The following ADORA2B variants were observed in gnomAD, a reference collection of about 807,000 sequenced individuals.
ADORA2B encodes adenosine A2b receptor, also known as adenosine receptor A2b.
Under a neutral mutation model 20.8 loss-of-function variants are expected in ADORA2B, and 18 were observed. That is an observed-to-expected ratio of 0.87 (90% CI 0.60 to 1.29). The LOEUF (loss-of-function observed/expected upper bound fraction) is 1.29. ADORA2B is among the 50% of genes most tolerant of loss of function. The pLI is 0.00. For missense variants in ADORA2B, 441 were observed against 422.7 expected, an observed-to-expected ratio of 1.04 and a Z score of -0.38; for synonymous variants, 179 against 178.3, an observed-to-expected ratio of 1.00 and a Z score of -0.03.
At chr17:15,961,415 G>T (rs1173964665) in intron 1 of ADORA2B, among the ~76,000 whole-genome samples, 1 of 152,154 alleles carries the variant, frequency 6.6e-6, no homozygotes, top group Non-Finnish European at 1.5e-5. Flanking sequence ...GAGTGGTGCT[G>T]CATCCTCAGT....
the ADORA2B span, among the ~76,000 whole-genome samples, chr17:15,922,915 C>T: frequency 1.1e-4 from 17 of 152,182 alleles, no homozygotes; most frequent in African/African-American, 3.9e-4. Flanking sequence ...TTTTCATTTG[C>T]ATTTTGTTAT....
chr17:15,945,167 C>T lies in ADORA2B; in HGVS notation c.-82C>T. ...CGGAGGCGCGGTCCGGGCGCTATGGCCATGCCCGGCGGGTCTCACGCGGCT... is the reference window on the plus strand; with the variant it reads ...CGGAGGCGCGGTCCGGGCGCTATGGTCATGCCCGGCGGGTCTCACGCGGCT... On this transcript the variant is annotated 5_prime_UTR_variant, in exon 1 of 2. Coordinates refer to ENST00000304222, the MANE Select transcript of ADORA2B (RefSeq NM_000676.4). The T allele has an allele frequency of 8.1e-7, 1 of 1,231,356 alleles. No homozygotes were observed. The highest frequency in any genetic ancestry group is 1.1e-6 in the Non-Finnish European group (1 of 952,274). The allele number at this position is 1,231,356 out of a possible 1,614,324, so 76.3% of individuals were successfully genotyped here.
At chr17:15,876,306 A>C in the ADORA2B span, among the ~76,000 whole-genome samples, 1 of 152,016 alleles carries the variant, frequency 6.6e-6, no homozygotes, top group African/African-American at 2.4e-5. Context: ...GAAGAAAATA[A>C]TTCCAGTCCT....
At chr17:15,928,412 A>T in the ADORA2B span, among the ~76,000 whole-genome samples, 1 of 151,634 alleles carries the variant, frequency 6.6e-6, no homozygotes, top group Non-Finnish European at 1.5e-5. Flanking sequence ...TGCGGATGCC[A>T]GGGAGACGGG....
the ADORA2B span, among the ~76,000 whole-genome samples, chr17:15,893,873 G>A: frequency 6.6e-6 from 1 of 152,172 alleles, no homozygotes; most frequent in African/African-American, 2.4e-5. Context: ...TAAGGGCCAC[G>A]TAATAGGATC....
At chr17:15,955,651 A>G (rs1442868221) in intron 1 of ADORA2B, among the ~76,000 whole-genome samples, 2 of 146,216 alleles carry the variant, frequency 1.4e-5, no homozygotes, top group Admixed American at 6.8e-5. Context: ...CAAGTGATCC[A>G]CTCACCTTGG....
chr17:15,952,812 T>G (rs549015310), intron 1 of ADORA2B, among the ~76,000 whole-genome samples: 1 of 152,324 alleles, frequency 6.6e-6, no homozygotes, highest in East Asian at 1.9e-4. Flanking sequence ...CCTTTCCTTT[T>G]GCCTCAGATT....
chr17:15,884,405 T>C, the ADORA2B span, among the ~76,000 whole-genome samples: 1 of 150,374 alleles, frequency 6.7e-6, no homozygotes, highest in Non-Finnish European at 1.5e-5. Context: ...AATTTTTTTT[T>C]CTTCAACTTT....
chr17:15,926,116 C>T, the ADORA2B span, among the ~76,000 whole-genome samples: 2 of 152,180 alleles, frequency 1.3e-5, no homozygotes, highest in East Asian at 3.9e-4. Context: ...AACCCAGCAT[C>T]GGTTTTATTT....
chr17:15,918,748 T>C, the ADORA2B span, among the ~76,000 whole-genome samples: 3 of 152,094 alleles, frequency 2.0e-5, no homozygotes, highest in Non-Finnish European at 4.4e-5. Flanking sequence ...GGGATTCAGG[T>C]GTAAGCCACC....
chr17:15,936,131 C>T, the ADORA2B span, among the ~76,000 whole-genome samples: 4 of 152,014 alleles, frequency 2.6e-5, no homozygotes, highest in Admixed American at 1.3e-4. Flanking sequence ...CCCTTCTTGC[C>T]CCTTGGCTTA....
chr17:15,965,337 G>T (rs1010285529), intron 1 of ADORA2B, among the ~76,000 whole-genome samples: 5 of 152,198 alleles, frequency 3.3e-5, no homozygotes, highest in African/African-American at 1.2e-4. Flanking sequence ...CCATTTGCTT[G>T]CCAGGCAGTG....
the ADORA2B span, among the ~76,000 whole-genome samples, chr17:15,875,889 TA>T: frequency 6.6e-6 from 1 of 152,212 alleles, no homozygotes; most frequent in Non-Finnish European, 1.5e-5. Flanking sequence ...CCTGTTTACT[TA>T]GTTTTCTATG....
chr17:15,920,805 G>A, the ADORA2B span, among the ~76,000 whole-genome samples: 30 of 151,944 alleles, frequency 2.0e-4, 1 homozygote, highest in African/African-American at 7.2e-4. Context: ...TCACAGCACC[G>A]CGCAGGTATT....
At chr17:15,890,859 G>A in the ADORA2B span, among the ~76,000 whole-genome samples, 1 of 152,180 alleles carries the variant, frequency 6.6e-6, no homozygotes, top group African/African-American at 2.4e-5. Flanking sequence ...GGGGACCCAG[G>A]AGCCTATGTG....
chr17:15,896,704 G>A, the ADORA2B span, among the ~76,000 whole-genome samples: 1 of 152,136 alleles, frequency 6.6e-6, no homozygotes, highest in Non-Finnish European at 1.5e-5. Flanking sequence ...TTAATCTGTT[G>A]GCTTTTGTCC....
At chr17:15,943,558 C>T (rs994911410), upstream of ADORA2B, among the ~76,000 whole-genome samples, 7 of 152,228 alleles carry the variant, frequency 4.6e-5, no homozygotes, top group Admixed American at 3.3e-4. Flanking sequence ...GTCTTGAACT[C>T]CTGGCCTCAA....
the ADORA2B span, among the ~76,000 whole-genome samples, chr17:15,917,891 C>T: frequency 6.6e-6 from 1 of 152,226 alleles, no homozygotes; most frequent in African/African-American, 2.4e-5. Flanking sequence ...GGCGAGTGCT[C>T]GGGCTCGGTC....
intron 1 of ADORA2B, among the ~76,000 whole-genome samples, chr17:15,948,411 C>T (rs1014924465): frequency 1.3e-4 from 1 of 7,774 alleles, no homozygotes; most frequent in Admixed American, 3.0e-3. Context: ...CGGGGGGCTC[C>T]AGTCCCCAGT....
Sources: gnomAD v4.1 joint callset for allele counts (sites outside exome capture counted in the v4.1 genomes callset) on GRCh38, gnomAD v4.1.1 for gene constraint, MANE v1.5 for transcripts, NCBI Gene and HGNC (gene_info 2026-07-23, HGNC 2026-07-21) for gene names.